Variants in GRK4 observed in about 807,000 individuals in gnomAD.
GRK4 encodes the protein G protein-coupled receptor kinase 4.
GRK4 carries 73 observed loss-of-function variants against 77.9 expected under a neutral mutation model. That is an observed-to-expected ratio of 0.94 (90% CI 0.78 to 1.14). The LOEUF (loss-of-function observed/expected upper bound fraction) is 1.14. GRK4 is among the 50% of genes most tolerant of loss of function. The probability of loss-of-function intolerance (pLI) is 0.00; values close to 1 mark genes in which losing one functional copy is unlikely to be tolerated. For synonymous variants in GRK4, 257 were observed against 254.4 expected, an observed-to-expected ratio of 1.01 and a Z score of -0.10; for missense variants, 729 against 700.2, an observed-to-expected ratio of 1.04 and a Z score of -0.46.
Position 2,963,872 on chromosome 4 carries a change from T to G in GRK4, c.-199T>G. The G allele has an allele frequency of 3.2e-6, 2 of 627,792 alleles. No individual in the cohort carries two copies. Among genetic ancestry groups the G allele is most frequent in the Non-Finnish European group, 2.8e-6 (1 of 354,722 alleles). 38.9% of individuals were successfully genotyped at this position (627,792 alleles called of 1,614,324 possible). On this transcript the variant is annotated 5_prime_UTR_variant, in exon 1 of 16. Transcript: ENST00000398052. ...CTCGCCCCGACCGCTCCCCTGCTGG[T>G]GAGGGCCTGCGGAGGCGGCGGCGGC...
chr4:3,029,827 C>A (rs1391064750), intron 12 of GRK4, among the ~76,000 whole-genome samples: 2 of 152,230 alleles, frequency 1.3e-5, no homozygotes, highest in East Asian at 3.8e-4. Flanking sequence ...CTTCCCCATG[C>A]TCCTGCCACT....
At chr4:3,006,348 C>G (rs1465927103) in intron 5 of GRK4, among the ~76,000 whole-genome samples, 1 of 151,092 alleles carries the variant, frequency 6.6e-6, no homozygotes, top group Non-Finnish European at 1.5e-5. Context: ...CCATTGCACT[C>G]CAGCCTGGTC....
chr4:3,038,524 T>C lies in GRK4; in HGVS notation c.1683+11T>C. On this transcript the variant is annotated intron_variant, in intron 15 of 15. Transcript: ENST00000398052. ...CTCTTCAGAAGAGGGGTAAAAAGAC[T>C]TAAAAACTAATATATGTGTGTGTAT... is the stretch of plus-strand genomic sequence containing the variant. 6.2e-7 allele frequency: 1 copy of C among 1,600,428 alleles called. No individual in the cohort carries two copies. Among genetic ancestry groups the C allele is most frequent in the Non-Finnish European group, 8.5e-7 (1 of 1,175,680 alleles).
intron 7 of GRK4, among the ~76,000 whole-genome samples, chr4:3,013,126 C>T (rs1238493167): frequency 6.6e-6 from 1 of 151,872 alleles, no homozygotes; most frequent in Non-Finnish European, 1.5e-5. Flanking sequence ...TTACTACAAC[C>T]TCTGCCTCCC....
chr4:3,001,354 C>CAT (rs1265017845), intron 4 of GRK4, among the ~76,000 whole-genome samples: 42 of 103,304 alleles, frequency 4.1e-4, no homozygotes, highest in East Asian at 1.4e-3. Flanking sequence ...CACACACACA[C>CAT]ATATATATAT....
chr4:3,025,343 T>C (rs541861046), intron 10 of GRK4, among the ~76,000 whole-genome samples: 2 of 151,404 alleles, frequency 1.3e-5, no homozygotes, highest in East Asian at 3.9e-4. Context: ...GGATACACCA[T>C]TAGGTTCATT....
intron 6 of GRK4, among the ~76,000 whole-genome samples, chr4:3,008,499 G>T (rs1288651452): frequency 6.6e-6 from 1 of 152,184 alleles, no homozygotes; most frequent in Non-Finnish European, 1.5e-5. Flanking sequence ...CACAAAATAA[G>T]TGCTTAAAAA....
intron 7 of GRK4, among the ~76,000 whole-genome samples, chr4:3,010,583 A>T (rs1019537163): frequency 2.0e-5 from 3 of 152,148 alleles, no homozygotes; most frequent in African/African-American, 7.2e-5. Context: ...TAGTTGGTGG[A>T]TGGAGAACAG....
intron 2 of GRK4, among the ~76,000 whole-genome samples, chr4:2,988,507 G>A (rs973910948): frequency 6.6e-6 from 1 of 152,142 alleles, no homozygotes; most frequent in Non-Finnish European, 1.5e-5. Context: ...GGAGGCAGAG[G>A]CTGCAGTGAG....
chr4:2,977,240 G>A (rs931911714), intron 1 of GRK4, among the ~76,000 whole-genome samples: 3 of 151,978 alleles, frequency 2.0e-5, no homozygotes, highest in Non-Finnish European at 2.9e-5. Flanking sequence ...TACCTTCCTC[G>A]GTATGATGAG....
At chr4:3,033,910 G>T (rs573913595) in intron 12 of GRK4, among the ~76,000 whole-genome samples, 4 of 152,188 alleles carry the variant, frequency 2.6e-5, no homozygotes, top group Admixed American at 2.6e-4. Context: ...AATTAACAAA[G>T]CATGCAAAGA....
intron 7 of GRK4, among the ~76,000 whole-genome samples, chr4:3,012,461 C>T (rs969067069): frequency 5.3e-5 from 8 of 152,166 alleles, no homozygotes; most frequent in African/African-American, 1.4e-4. Flanking sequence ...CTTGGAATTA[C>T]GGGTGAGTTT....
chr4:2,983,925 G>C (rs1232283894), intron 1 of GRK4, among the ~76,000 whole-genome samples: 1 of 152,132 alleles, frequency 6.6e-6, no homozygotes, highest in Admixed American at 6.5e-5. Context: ...GAGAGCACAA[G>C]GGAAACTGCC....
rs555027244 is a variant in GRK4 at position 2,963,580 on chromosome 4, C to G, written c.-491C>G. 2.2e-6 allele frequency: 1 copy of G among 458,000 alleles called. No individual in the cohort carries two copies. The highest frequency in any genetic ancestry group is 3.8e-6 in the Non-Finnish European group (1 of 263,022). The allele number at this position is 458,000 out of a possible 1,614,324, so 28.4% of individuals were successfully genotyped here. On this transcript the variant is annotated 5_prime_UTR_variant, in exon 1 of 16. Transcript: ENST00000398052. ...GGGCCTTCTGGGAGCTGTAGTGCCC[C>G]GGCCGCGGCGGCGAGGGGCGCTCCC...
At chr4:2,964,615 G>T (rs1716907736) in intron 1 of GRK4, among the ~76,000 whole-genome samples, 1 of 152,178 alleles carries the variant, frequency 6.6e-6, no homozygotes, top group African/African-American at 2.4e-5. Flanking sequence ...TGGTTTTGAG[G>T]TTTGATCTGA....
rs1484116947 is a variant in GRK4 at position 3,019,819 on chromosome 4, G to T, written c.920G>T (p.Arg307Ile). 2.1e-5 allele frequency: 34 copies of T among 1,613,818 alleles called. No individual in the cohort carries two copies. Among genetic ancestry groups the T allele is most frequent in the Non-Finnish European group, 2.6e-5 (31 of 1,179,894 alleles). The stretch of plus-strand genomic sequence containing the variant: ...GGCTTGGAAGATTTACAGAGGGAAA[G>T]AATTGTATACAGGTAAGAACGGTGC... Reference protein sequence around the residue: ...CCGLEDLQRERIVYRDLKPEN... With the variant: ...CCGLEDLQREIIVYRDLKPEN... The change falls in exon 9 of 16, where the codon AGA becomes ATA. Residue 307 changes from arginine (R) to isoleucine (I), a missense_variant. Physicochemically the swap from Arg to Ile is moderately conservative, Grantham distance 97 (BLOSUM62 -3). Coordinates refer to ENST00000398052, the MANE Select transcript of GRK4 (RefSeq NM_182982.3).
intron 12 of GRK4, among the ~76,000 whole-genome samples, chr4:3,033,815 G>A (rs1382923470): frequency 6.6e-6 from 1 of 152,164 alleles, no homozygotes; most frequent in African/African-American, 2.4e-5. Context: ...TTGATCTCCT[G>A]ACCTCGTGAT....
Position 3,007,693 on chromosome 4 carries a change from T to C in GRK4, c.444-43T>C, listed in dbSNP as rs951909290. 2.4e-6 allele frequency: 3 copies of C among 1,266,858 alleles called. No homozygotes were observed. The African/African-American group carries it at 4.6e-5, about 19-fold the overall frequency. 78.5% of individuals were successfully genotyped at this position (1,266,858 alleles called of 1,614,324 possible). On this transcript the variant is annotated intron_variant, in intron 5 of 15. Transcript: ENST00000398052. ...ACTAAAACACACTTGTTTTTATTTCTTAATACAACAAATGTATATAATTTT... is the reference window on the plus strand; with the variant it reads ...ACTAAAACACACTTGTTTTTATTTCCTAATACAACAAATGTATATAATTTT...
In GRK4 at chr4:3,035,387, TACTC is replaced by T. The variant is rs1560507476; in HGVS notation, c.1274_1277del (p.Leu425ProfsTer18). 3.7e-6 allele frequency: 6 copies of T among 1,613,954 alleles called. No individual in the cohort carries two copies. Among genetic ancestry groups the T allele is most frequent in the Non-Finnish European group, 5.1e-6 (6 of 1,179,960 alleles). ...GGGTTGCATTTCTGCCTCTTGCAGT[TACTC>T]ACCAAGAATCCAAGCAAGCGGCTGG... On this transcript the variant is annotated frameshift_variant and splice_region_variant, in exon 13 of 16. Coordinates refer to ENST00000398052, the MANE Select transcript of GRK4 (RefSeq NM_182982.3). LOFTEE classifies it high-confidence loss of function.
Sources: allele counts gnomAD v4.1 joint callset (sites outside exome capture counted in the v4.1 genomes callset), GRCh38; gene constraint gnomAD v4.1.1; transcripts MANE v1.5; gene names NCBI Gene and HGNC (gene_info 2026-07-23, HGNC 2026-07-21).